WDR7: variants seen among roughly 807,000 people sequenced by gnomAD.
WDR7 encodes the protein WD repeat-containing protein 7.
Under a neutral mutation model 169.4 loss-of-function variants are expected in WDR7, and 46 were observed. That is an observed-to-expected ratio of 0.27 (90% confidence interval 0.21 to 0.35). The LOEUF is 0.35. WDR7 is among the 10% of genes least tolerant of loss of function. The pLI, the probability that WDR7 is intolerant of heterozygous loss-of-function variation, is 1.00. For synonymous variants in WDR7, 612 were observed against 666.8 expected (o/e 0.92, Z 1.27); for missense variants, 1,534 against 1,859.3 (o/e 0.83, Z 3.22).
chr18:56,934,096 A>T (rs1402285804), intron 22 of WDR7, among the ~76,000 whole-genome samples: 3 of 152,242 alleles, frequency 2.0e-5, no homozygotes, highest in African/African-American at 7.2e-5. Flanking sequence ...GCCTTGCAGT[A>T]TCATCAATCC....
downstream of WDR7, chr18:57,034,202 CAAAA>C (rs889037453): frequency 1.4e-5 from 2 of 146,548 alleles, no homozygotes; most frequent in Admixed American, 6.9e-5. Context: ...GTCTCCGCCT[CAAAA>C]AAAAAATAAA....
At chr18:56,966,958 CTG>C (rs1846082931) in intron 26 of WDR7, among the ~76,000 whole-genome samples, 1 of 152,268 alleles carries the variant, frequency 6.6e-6, no homozygotes, top group Non-Finnish European at 1.5e-5. Flanking sequence ...AGGAGAGAGT[CTG>C]TGTCAGAAGT....
chr18:56,814,374 T>G (rs1345710013), intron 19 of WDR7, among the ~76,000 whole-genome samples: 1 of 152,192 alleles, frequency 6.6e-6, no homozygotes, highest in Non-Finnish European at 1.5e-5. Context: ...TTTCAAAGAT[T>G]TATATATTGA....
At chr18:57,008,391 T>G (rs1164503646) in intron 26 of WDR7, among the ~76,000 whole-genome samples, 2 of 152,128 alleles carry the variant, frequency 1.3e-5, no homozygotes, top group Non-Finnish European at 2.9e-5. Flanking sequence ...GACTATGAAT[T>G]AAGTCCACAT....
Position 56,863,848 on chromosome 18 carries a change from T to G in WDR7, c.3305-16096T>G, listed in dbSNP as rs112320509. On this transcript the variant is annotated intron_variant, in intron 20 of 27. Coordinates refer to ENST00000254442, the MANE Select transcript of WDR7 (RefSeq NM_015285.3). ...CTGTTTGATCAGTTCTGTGTACCTA[T>G]TGATGTACCTTAACAAGTGAAAGTG... 2.2e-3 allele frequency among the ~76,000 whole-genome samples: 330 copies of G among 151,930 alleles called. 3 individuals are homozygous for G. Among genetic ancestry groups the G allele is most frequent in the African/African-American group, 7.7e-3 (319 of 41,548 alleles).
intron 12 of WDR7, among the ~76,000 whole-genome samples, chr18:56,707,969 A>G (rs914883559): frequency 6.6e-6 from 1 of 152,042 alleles, no homozygotes; most frequent in Non-Finnish European, 1.5e-5. Context: ...TGTTTCCATA[A>G]GAAAGGAAAG....
At chr18:56,855,907 A>G (rs916569460) in intron 20 of WDR7, among the ~76,000 whole-genome samples, 2 of 152,134 alleles carry the variant, frequency 1.3e-5, no homozygotes, top group East Asian at 3.9e-4. Flanking sequence ...AGAGCAGAGC[A>G]GGATATCTGC....
intron 12 of WDR7, among the ~76,000 whole-genome samples, chr18:56,696,671 T>C (rs2025711448): frequency 6.6e-6 from 1 of 152,164 alleles, no homozygotes; most frequent in Non-Finnish European, 1.5e-5. Context: ...AAGAGAGACA[T>C]AGTGTTTTTT....
At chr18:56,922,294 G>T (rs923842394) in intron 21 of WDR7, among the ~76,000 whole-genome samples, 1 of 152,044 alleles carries the variant, frequency 6.6e-6, no homozygotes, top group African/African-American at 2.4e-5. Context: ...TTTAGAAGAT[G>T]CAAAGTTATG....
intron 20 of WDR7, among the ~76,000 whole-genome samples, chr18:56,821,443 T>A (rs1384568981): frequency 6.6e-6 from 1 of 152,058 alleles, no homozygotes; most frequent in African/African-American, 2.4e-5. Flanking sequence ...TTAAAGTGAG[T>A]CCTACCTGAT....
intron 26 of WDR7, among the ~76,000 whole-genome samples, chr18:57,000,365 AAAG>A (rs1277197543): frequency 3.3e-5 from 5 of 152,184 alleles, no homozygotes. Flanking sequence ...TCTTAATAAA[AAAG>A]GTGTCAATTA....
intron 19 of WDR7, among the ~76,000 whole-genome samples, chr18:56,791,810 G>C (rs1286956275): frequency 6.6e-6 from 1 of 152,078 alleles, no homozygotes; most frequent in Admixed American, 6.5e-5. Flanking sequence ...TCTCCGTTTT[G>C]TCACTACCCA....
chr18:56,953,207 A>G (rs2047206131), intron 25 of WDR7, among the ~76,000 whole-genome samples: 1 of 152,192 alleles, frequency 6.6e-6, no homozygotes, highest in Admixed American at 6.5e-5. Context: ...TCTAAAAAAT[A>G]AACCGTATTT....
At chr18:56,887,948 G>A (rs1442354248) in intron 21 of WDR7, among the ~76,000 whole-genome samples, 1 of 152,160 alleles carries the variant, frequency 6.6e-6, no homozygotes, top group Admixed American at 6.5e-5. Flanking sequence ...CATTTAGAAT[G>A]CATTGCTACC....
chr18:56,811,742 C>G (rs1008978767), intron 19 of WDR7, among the ~76,000 whole-genome samples: 5 of 151,946 alleles, frequency 3.3e-5, no homozygotes, highest in Admixed American at 2.0e-4. Flanking sequence ...ATTATCCTTC[C>G]CCCATCGAAT....
rs756245864 is a variant in WDR7, at chr18:56,672,551, T to C, written c.36T>C (p.Leu12=). Residue 12 remains leucine, a synonymous_variant, in exon 2 of 28, where the codon CTT becomes CTC. Transcript: ENST00000254442. The part of the protein sequence containing the change: ...AGNSLVLPIV[L]WGRKAPTHCI... ...ACAGCCTTGTTCTACCCATTGTTCT[T>C]TGGGGTCGAAAAGCGCCCACACATT... 1.5e-5 allele frequency: 24 copies of C among 1,610,262 alleles called. No homozygotes were observed. Among genetic ancestry groups the C allele is most frequent in the Non-Finnish European group, 2.0e-5 (23 of 1,178,088 alleles).
At chr18:56,798,608 G>A (rs372734241) in intron 19 of WDR7, among the ~76,000 whole-genome samples, 47 of 152,232 alleles carry the variant, frequency 3.1e-4, no homozygotes, top group African/African-American at 8.7e-4. Flanking sequence ...GGAATAGTCT[G>A]TTTATGCTTA....
chr18:56,987,577 C>T (rs1033703086), intron 26 of WDR7, among the ~76,000 whole-genome samples: 1 of 152,044 alleles, frequency 6.6e-6, no homozygotes, highest in African/African-American at 2.4e-5. Flanking sequence ...ATATTTTGTC[C>T]ACAAATATGG....
At chr18:56,707,777 A>T (rs1010731859) in intron 12 of WDR7, among the ~76,000 whole-genome samples, 1 of 152,210 alleles carries the variant, frequency 6.6e-6, no homozygotes, top group African/African-American at 2.4e-5. Context: ...TTTTGTGGAC[A>T]CTGAAGGTTA....
Sources: gnomAD v4.1 joint callset for allele counts (sites outside exome capture counted in the v4.1 genomes callset) on GRCh38, gnomAD v4.1.1 for gene constraint, MANE v1.5 for transcripts, NCBI Gene and HGNC (gene_info 2026-07-23, HGNC 2026-07-21) for gene names.